RBM41: variants seen among roughly 807,000 people sequenced by gnomAD.
RBM41 encodes the protein RNA-binding protein 41.
In RBM41, 14 loss-of-function variants were observed where a neutral mutation model predicts 30.8. The ratio of observed to expected loss-of-function variants is 0.45; its 90% CI spans 0.30 to 0.71. The LOEUF (loss-of-function observed/expected upper bound fraction) is 0.71, where lower values mean the gene tolerates loss of function less well. Among genes scored for constraint, RBM41 ranks in the 30% least tolerant of loss-of-function variants. The pLI is 0.08. For synonymous variants in RBM41, 120 were observed against 110.1 expected (o/e 1.09, Z -0.56); for missense variants, 276 against 326.3 (o/e 0.85, Z 1.19).
In RBM41 at chrX:107,097,915, A is replaced by C. The variant is rs968520506; in HGVS notation, c.596-9076T>G. Among the ~76,000 whole-genome samples the C allele has an allele frequency of 5.4e-5, 6 of 111,451 alleles. No individual in the cohort carries two copies. In the Admixed American group the frequency reaches 5.7e-4, roughly 11 times the overall value. On this transcript the variant is annotated intron_variant, in intron 5 of 7. Transcript: ENST00000685964. The stretch of plus-strand genomic sequence containing the variant: ...TGTATGTGGGAGTCATTTACTGCCA[A>C]TGAGCCCTAGGGAATTTTGCCCCGG...
At position 107,063,339 on chromosome X, in the gene RBM41, C is replaced by T. The variant is rs183002450; in HGVS notation, c.*4188G>A. On this transcript the variant is annotated 3_prime_UTR_variant, in exon 8 of 8. Coordinates refer to ENST00000685964, the MANE Select transcript of RBM41 (RefSeq NM_001324242.2). ...AGTCTTTTGTGACTGGCTTCTTGCACTGAGCATATTCTGAGTTCTTCCATG... is the reference window on the plus strand; with the variant it reads ...AGTCTTTTGTGACTGGCTTCTTGCATTGAGCATATTCTGAGTTCTTCCATG... Among the ~76,000 whole-genome samples, 15 of 112,011 alleles carry T rather than the reference C, an allele frequency of 1.3e-4. No individual in the cohort carries two copies. Among genetic ancestry groups the T allele is most frequent in the African/African-American group, 4.9e-4 (15 of 30,898 alleles).
intron 5 of RBM41, among the ~76,000 whole-genome samples, chrX:107,109,141 T>G (rs1192203501): frequency 9.1e-6 from 1 of 109,941 alleles, no homozygotes; most frequent in East Asian, 2.8e-4. Context: ...AAATGGCACA[T>G]TGGAAAAATC....
chrX:107,095,981 C>T (rs933218861), intron 5 of RBM41, among the ~76,000 whole-genome samples: 3 of 111,719 alleles, frequency 2.7e-5, no homozygotes, highest in Non-Finnish European at 3.8e-5. Flanking sequence ...TGTGTCACTG[C>T]ACTTCAGCCT....
At chrX:107,107,874 A>G (rs1372751254) in intron 5 of RBM41, among the ~76,000 whole-genome samples, 2 of 111,430 alleles carry the variant, frequency 1.8e-5, no homozygotes, top group African/African-American at 3.3e-5. Flanking sequence ...GCGAGCCAGA[A>G]GGATAAGAGA....
chrX:107,113,049 G>A (rs754372363), intron 5 of RBM41, among the ~76,000 whole-genome samples: 134 of 111,193 alleles, frequency 1.2e-3, no homozygotes, highest in African/African-American at 4.2e-3. Context: ...CATTTCAAAA[G>A]TAAGAAAATA....
chrX:107,074,369 G>C (rs1168915679), intron 6 of RBM41, among the ~76,000 whole-genome samples: 1 of 111,480 alleles, frequency 9.0e-6, no homozygotes, highest in Non-Finnish European at 1.9e-5. Flanking sequence ...GAGACAAGCT[G>C]CTACCTGGTG....
At chrX:107,104,901 A>G (rs961610290) in intron 5 of RBM41, among the ~76,000 whole-genome samples, 4 of 111,170 alleles carry the variant, frequency 3.6e-5, no homozygotes, top group Admixed American at 2.9e-4. Context: ...ACAGACCCAC[A>G]GCCAATATCA....
At chrX:107,073,612 A>G (rs1936141567) in intron 6 of RBM41, among the ~76,000 whole-genome samples, 2 of 111,956 alleles carry the variant, frequency 1.8e-5, no homozygotes, top group African/African-American at 6.5e-5. Context: ...TAGAACTACC[A>G]TACGATCCAG....
chrX:107,057,450 A>G (rs1189699606), downstream of RBM41, among the ~76,000 whole-genome samples: 1 of 111,735 alleles, frequency 8.9e-6, no homozygotes, highest in Admixed American at 9.5e-5. Flanking sequence ...TGGATTTTCC[A>G]GTTTTACTTC....
chrX:107,115,318 A>G (rs1924800475), intron 4 of RBM41, 34 bp downstream of exon 4: 2 of 1,184,012 alleles, frequency 1.7e-6, no homozygotes, highest in Non-Finnish European at 2.3e-6. Context: ...TCTCTCAGTG[A>G]AAGAATATAT....
At position 107,116,836 on chromosome X, in the gene RBM41, A is replaced by C. The variant is rs1450095472; in HGVS notation, c.9-70T>G. 5.0e-6 allele frequency: 5 copies of C among 1,007,060 alleles called. No homozygotes were observed. The African/African-American group carries it at 9.5e-5, about 19-fold the overall frequency. 83.0% of individuals were successfully genotyped at this position (1,007,060 alleles called of 1,213,427 possible). A position where few individuals can be genotyped will look rare whatever the true frequency, so the allele number is the denominator to read the frequency against. ...GAGTCTCAAAATATATTCCTTATCT[A>C]TATTATCTACCATTACTGACCCCAT... On this transcript the variant is annotated intron_variant, in intron 1 of 7. Coordinates refer to ENST00000685964, the MANE Select transcript of RBM41 (RefSeq NM_001324242.2).
chrX:107,080,587 G>GAAACAAAACA (rs200816405), intron 6 of RBM41, among the ~76,000 whole-genome samples: 16,410 of 106,081 alleles, frequency 0.15, 1,155 homozygotes, highest in East Asian at 0.25. Context: ...CTCAAAACAC[G>GAAACAAAACA]AAACAAAACA....
intron 5 of RBM41, among the ~76,000 whole-genome samples, chrX:107,097,859 A>G (rs1923117818): frequency 1.8e-5 from 2 of 111,845 alleles, no homozygotes; most frequent in Admixed American, 9.5e-5. Context: ...GTATCTAGAA[A>G]AGACAAATTT....
At chrX:107,116,798 C>G in intron 1 of RBM41, 32 bp from the exon 2 acceptor site, 1 of 1,160,200 alleles carries the variant, frequency 8.6e-7, no homozygotes. Flanking sequence ...ATACAGAAAA[C>G]GGAAGAGACT....
At chrX:107,106,581 G>A (rs1462603276) in intron 5 of RBM41, among the ~76,000 whole-genome samples, 1 of 111,303 alleles carries the variant, frequency 9.0e-6, no homozygotes, top group African/African-American at 3.3e-5. Flanking sequence ...TATGTTTATT[G>A]CGGCACTATT....
downstream of RBM41, among the ~76,000 whole-genome samples, chrX:107,061,130 C>T (rs1446086098): frequency 9.0e-6 from 1 of 111,291 alleles, no homozygotes; most frequent in Non-Finnish European, 1.9e-5. Flanking sequence ...TAACAAAATG[C>T]AATGTGGCAT....
intron 5 of RBM41, among the ~76,000 whole-genome samples, chrX:107,104,523 T>A (rs1327968655): frequency 9.0e-6 from 1 of 111,584 alleles, no homozygotes; most frequent in East Asian, 2.8e-4. Flanking sequence ...TATTATATTA[T>A]CTATTTAATA....
At chrX:107,080,367 T>C (rs929642438) in intron 6 of RBM41, among the ~76,000 whole-genome samples, 1 of 110,390 alleles carries the variant, frequency 9.1e-6, no homozygotes, top group East Asian at 2.8e-4. Context: ...TCACTTGAGG[T>C]CAGGAGTTTG....
At chrX:107,085,984 A>G (rs1322258551) in intron 6 of RBM41, among the ~76,000 whole-genome samples, 2 of 112,198 alleles carry the variant, frequency 1.8e-5, no homozygotes, top group East Asian at 5.6e-4. Flanking sequence ...TTTTAAAATA[A>G]TCCCTATAAA....
Sources: allele counts gnomAD v4.1 joint callset (sites outside exome capture counted in the v4.1 genomes callset), GRCh38; gene constraint gnomAD v4.1.1; transcripts MANE v1.5; gene names NCBI Gene and HGNC (gene_info 2026-07-23, HGNC 2026-07-21).